UFL1: variants seen among roughly 807,000 people sequenced by gnomAD.
UFL1 encodes the protein E3 UFM1-protein ligase 1.
A neutral mutation model predicts 99.3 loss-of-function variants in UFL1; 78 were observed. The ratio of observed to expected loss-of-function variants is 0.79; its 90% CI spans 0.65 to 0.95. The LOEUF is 0.95. Ranked by LOEUF, UFL1 falls within the 40% of genes least tolerant of loss-of-function variation. UFL1 has a pLI of 0.00. For missense variants in UFL1, 936 were observed against 937.0 expected (o/e 1.00, Z 0.01); for synonymous variants, 335 against 322.2 (o/e 1.04, Z -0.42).
chr6:96,537,583 C>G, intron 9 of UFL1, 34 bp downstream of exon 9: 1 of 1,502,648 alleles, frequency 6.7e-7, no homozygotes, highest in Non-Finnish European at 8.9e-7. Flanking sequence ...TTTCTTTAAA[C>G]AGTGACAACT....
At chr6:96,545,272 A>G (rs1020644841) in intron 12 of UFL1, among the ~76,000 whole-genome samples, 14 of 151,172 alleles carry the variant, frequency 9.3e-5, no homozygotes, top group African/African-American at 3.1e-4. Flanking sequence ...AGAAATAATC[A>G]CTTTTATACC....
rs371313553 is a variant in UFL1 at position 96,523,013 on chromosome 6, AT to A, written c.78-132del. 152 of 796,146 alleles carry A rather than the reference AT, an allele frequency of 1.9e-4. 1 individual carries two copies. In the African/African-American group the frequency reaches 2.5e-3, roughly 13 times the overall value. The allele number at this position is 796,146 out of a possible 1,614,324, so 49.3% of individuals were successfully genotyped here. A position where few individuals can be genotyped will look rare whatever the true frequency, so the allele number is the denominator to read the frequency against. On this transcript the variant is annotated intron_variant, in intron 1 of 18. Coordinates refer to ENST00000369278, the MANE Select transcript of UFL1 (RefSeq NM_015323.5). Reference sequence around the variant, plus strand: ...AACTTATTGAATCAGTTAGTGAAAAATACAGATATTGTGATGTAGAAGTTAG... The same window carrying A: ...AACTTATTGAATCAGTTAGTGAAAAAACAGATATTGTGATGTAGAAGTTAG...
At chr6:96,538,544 C>A in intron 9 of UFL1, 87 bp from the exon 10 acceptor site, 1 of 1,252,472 alleles carries the variant, frequency 8.0e-7, no homozygotes, top group Non-Finnish European at 1.1e-6. Context: ...ATGAGATCAT[C>A]TAGAGAGAGC....
intron 5 of UFL1, 66 bp downstream of exon 5, chr6:96,526,501 G>A: frequency 1.6e-6 from 2 of 1,256,334 alleles, no homozygotes; most frequent in Non-Finnish European, 1.1e-6. Context: ...GACTTTGAAT[G>A]GAAGGGGGAA....
At chr6:96,550,675 T>C (rs1770065453) in intron 15 of UFL1, among the ~76,000 whole-genome samples, 1 of 152,004 alleles carries the variant, frequency 6.6e-6, no homozygotes, top group Admixed American at 6.6e-5. Flanking sequence ...CCCCTTCCCT[T>C]CTTCTGCTTA....
Position 96,538,713 on chromosome 6 carries a change from C to A in UFL1, c.1061C>A (p.Ser354Ter). 1 of 1,611,650 alleles carries A rather than the reference C, an allele frequency of 6.2e-7. No individual in the cohort carries two copies. The highest frequency in any genetic ancestry group is 8.5e-7 in the Non-Finnish European group (1 of 1,178,454). Residue 354 changes from serine to a stop codon, truncating the protein, a stop_gained, in exon 10 of 19, where the codon TCA becomes TAA. Transcript: ENST00000369278. LOFTEE classifies it high-confidence loss of function. Reference sequence around the variant, plus strand: ...ATGAGGGCATTCAGCAAACAGGCCTCAACTGTAGTCTTTAGCGACACTGTT... The same window carrying A: ...ATGAGGGCATTCAGCAAACAGGCCTAAACTGTAGTCTTTAGCGACACTGTT... Reference protein sequence around the residue: ...QVMRAFSKQASTVVFSDTVVV... With the variant: ...QVMRAFSKQA
At chr6:96,537,689 A>C in intron 9 of UFL1, 140 bp downstream of exon 9, 1 of 780,856 alleles carries the variant, frequency 1.3e-6, no homozygotes, top group Non-Finnish European at 1.9e-6. Context: ...AACAAAAATA[A>C]TCTTTATGCT....
Position 96,521,838 on chromosome 6 carries a change from T to C in UFL1, c.-36T>C. On this transcript the variant is annotated 5_prime_UTR_variant, in exon 1 of 19. Transcript: ENST00000369278. ...CCCACCGCCTGTCGGCTGACGTGTC[T>C]GCAGTTCCTCCGCGTCTACTGCGAG... is the stretch of plus-strand genomic sequence containing the variant. 6.9e-6 allele frequency: 11 copies of C among 1,597,990 alleles called. No individual in the cohort carries two copies. Among genetic ancestry groups the C allele is most frequent in the Non-Finnish European group, 9.4e-6 (11 of 1,172,978 alleles).
intron 1 of UFL1, 146 bp from the exon 2 acceptor site, chr6:96,523,000 C>A: frequency 1.6e-6 from 1 of 644,394 alleles, no homozygotes; most frequent in African/African-American, 1.9e-5. Context: ...CTTATTGAAT[C>A]AGTTAGTGAA....
At chr6:96,531,040 G>A in intron 6 of UFL1, among the ~76,000 whole-genome samples, 1 of 152,186 alleles carries the variant, frequency 6.6e-6, no homozygotes, top group East Asian at 1.9e-4. Flanking sequence ...GATTCTCATA[G>A]GAGCGTGAAC....
chr6:96,538,372 G>A (rs192881379), intron 9 of UFL1, among the ~76,000 whole-genome samples: 1 of 151,764 alleles, frequency 6.6e-6, no homozygotes, highest in Non-Finnish European at 1.5e-5. Flanking sequence ...GTGCCTTGTA[G>A]GTTTCAGTGT....
At chr6:96,524,676 T>G (rs2127948513) in intron 3 of UFL1, among the ~76,000 whole-genome samples, 1 of 152,320 alleles carries the variant, frequency 6.6e-6, no homozygotes, top group African/African-American at 2.4e-5. Flanking sequence ...TTTCTTATTC[T>G]TAACTTTTTA....
chr6:96,545,018 TAGA>T (rs1769980998), intron 12 of UFL1, among the ~76,000 whole-genome samples: 1 of 150,978 alleles, frequency 6.6e-6, no homozygotes, highest in Non-Finnish European at 1.5e-5. Flanking sequence ...GAAAGATTAC[TAGA>T]AGAAAATATA....
chr6:96,523,099 C>T, intron 1 of UFL1, 47 bp from the exon 2 acceptor site: 2 of 1,546,594 alleles, frequency 1.3e-6, no homozygotes, highest in Non-Finnish European at 1.7e-6. Context: ...TATTGAGCGC[C>T]AATGTCTCAA....
chr6:96,542,779 T>C, intron 11 of UFL1, 115 bp from the exon 12 acceptor site: 1 of 1,100,892 alleles, frequency 9.1e-7, no homozygotes, highest in Non-Finnish European at 1.2e-6. Context: ...TAAAAGTTTC[T>C]TTATTTTGCC....
intron 11 of UFL1, 56 bp from the exon 12 acceptor site, chr6:96,542,838 T>C (rs745382771): frequency 1.8e-5 from 26 of 1,459,362 alleles, no homozygotes; most frequent in Non-Finnish European, 2.3e-5. Flanking sequence ...GTGTCATTAT[T>C]TTATAAAAAT....
rs1769887998 is a variant in UFL1 at position 96,538,667 on chromosome 6, G to A, written c.1015G>A (p.Ala339Thr). ...CACTTCTTTATCAGTTGAAGATGCT[G>A]CCATATTGCTTCAGCAGGTGATGAG... ...LPTSLSVEDAAILLQQVMRAF... is the reference protein window; with the variant it reads ...LPTSLSVEDATILLQQVMRAF... Residue 339 changes from alanine to threonine, a missense_variant, in exon 10 of 19, where the codon GCC becomes ACC. Transcript: ENST00000369278. 1.2e-6 allele frequency: 2 copies of A among 1,611,042 alleles called. No individual in the cohort carries two copies. Among genetic ancestry groups the A allele is most frequent in the Admixed American group, 1.7e-5 (1 of 59,698 alleles).
chr6:96,545,832 T>TA (rs1240885047), intron 12 of UFL1, among the ~76,000 whole-genome samples: 2 of 151,128 alleles, frequency 1.3e-5, no homozygotes, highest in Non-Finnish European at 1.5e-5. Context: ...CACTTCATGA[T>TA]AAAAATCTTC....
chr6:96,549,537 ATAACATTAGGTTAT>A lies in UFL1; in HGVS notation c.1648_1661del (p.Asn550Ter). ...CAAGAAGAAGTTTCAAACCTGTACA[ATAACATTAGGTTAT>A]TTGAAAAAGGGATGAAGTTTTTTGC... On this transcript the variant is annotated frameshift_variant, in exon 14 of 19. Coordinates refer to ENST00000369278, the MANE Select transcript of UFL1 (RefSeq NM_015323.5). LOFTEE classifies it high-confidence loss of function. 6.3e-7 allele frequency: 1 copy of A among 1,597,786 alleles called. No individual in the cohort carries two copies. The highest frequency in any genetic ancestry group is 8.5e-7 in the Non-Finnish European group (1 of 1,174,660).
Sources: allele counts gnomAD v4.1 joint callset (sites outside exome capture counted in the v4.1 genomes callset), GRCh38; gene constraint gnomAD v4.1.1; transcripts MANE v1.5; gene names NCBI Gene and HGNC (gene_info 2026-07-23, HGNC 2026-07-21).